PCSK2: variants seen among roughly 807,000 people sequenced by gnomAD.
The protein encoded by PCSK2 is proprotein convertase subtilisin/kexin type 2.
PCSK2 carries 14 observed loss-of-function variants against 69.7 expected under a neutral mutation model. The observed-to-expected ratio is 0.20, with a 90% CI of 0.13 to 0.31. The LOEUF is 0.31. Ranked by LOEUF, PCSK2 falls within the 10% of genes least tolerant of loss-of-function variation. The pLI is 1.00. For missense variants in PCSK2, 544 were observed against 842.5 expected, an observed-to-expected ratio of 0.65 and a Z score of 4.39; for synonymous variants, 307 against 320.7, an observed-to-expected ratio of 0.96 and a Z score of 0.46.
At chr20:17,321,672 T>A (rs1379552206) in intron 2 of PCSK2, among the ~76,000 whole-genome samples, 2 of 152,206 alleles carry the variant, frequency 1.3e-5, no homozygotes, top group Non-Finnish European at 2.9e-5. Context: ...GATTCCATAA[T>A]TCACTCTCAA....
At chr20:17,474,847 GA>G (rs1221981076) in intron 11 of PCSK2, among the ~76,000 whole-genome samples, 2 of 151,950 alleles carry the variant, frequency 1.3e-5, no homozygotes, top group East Asian at 3.9e-4. Flanking sequence ...TGAGGTGACT[GA>G]GCCCACAGAT....
At chr20:17,390,932 T>C (rs2031355588) in intron 5 of PCSK2, among the ~76,000 whole-genome samples, 2 of 152,174 alleles carry the variant, frequency 1.3e-5, no homozygotes, top group Admixed American at 6.6e-5. Context: ...TGCAACCTGC[T>C]CTTTTATTTA....
At chr20:17,361,737 C>T (rs114985964) in intron 4 of PCSK2, among the ~76,000 whole-genome samples, 2,352 of 152,288 alleles carry the variant, frequency 0.015, 61 homozygotes, top group African/African-American at 0.053. Flanking sequence ...AAAACAATGC[C>T]TCAATGTTTT....
intron 2 of PCSK2, among the ~76,000 whole-genome samples, chr20:17,292,825 G>GT (rs990522409): frequency 1.9e-4 from 29 of 151,100 alleles, no homozygotes; most frequent in South Asian, 4.2e-4. Context: ...TTTCTGGGGT[G>GT]TTTTTTTTTA....
intron 2 of PCSK2, among the ~76,000 whole-genome samples, chr20:17,291,915 A>G (rs750464868): frequency 6.6e-6 from 1 of 152,180 alleles, no homozygotes; most frequent in Non-Finnish European, 1.5e-5. Flanking sequence ...CTGAAACTCT[A>G]CTGTCACATC....
intron 6 of PCSK2, among the ~76,000 whole-genome samples, chr20:17,411,470 T>C (rs534157351): frequency 2.6e-5 from 4 of 152,032 alleles, no homozygotes; most frequent in Admixed American, 6.5e-5. Context: ...AGCAGCCTGA[T>C]GGAGGGAGGC....
At chr20:17,258,890 A>C (rs1185879711) in intron 1 of PCSK2, among the ~76,000 whole-genome samples, 2 of 152,056 alleles carry the variant, frequency 1.3e-5, no homozygotes, top group African/African-American at 4.8e-5. Flanking sequence ...AGGAAAAAAA[A>C]CAAAAAGGTA....
At chr20:17,447,270 CAA>C (rs386393432) in intron 8 of PCSK2, among the ~76,000 whole-genome samples, 1 of 127,638 alleles carries the variant, frequency 7.8e-6, no homozygotes, top group Non-Finnish European at 1.6e-5. Flanking sequence ...TACTCTGTCT[CAA>C]AAAAAAAAAA....
chr20:17,394,695 T>C (rs1251732407), intron 5 of PCSK2, among the ~76,000 whole-genome samples: 1 of 152,192 alleles, frequency 6.6e-6, no homozygotes, highest in Non-Finnish European at 1.5e-5. Flanking sequence ...GTCCCATAAT[T>C]CACCTGCTGG....
chr20:17,272,556 G>A (rs560150742), intron 2 of PCSK2, among the ~76,000 whole-genome samples: 1 of 152,174 alleles, frequency 6.6e-6, no homozygotes, highest in South Asian at 2.1e-4. Flanking sequence ...TTTGGATTCA[G>A]TCTCCTTTCC....
chr20:17,433,036 A>G (rs376211364), intron 7 of PCSK2, among the ~76,000 whole-genome samples: 177 of 152,356 alleles, frequency 1.2e-3, no homozygotes, highest in Middle Eastern at 3.4e-3. Context: ...AGAGACTCTC[A>G]GAGCAGCCCT....
At chr20:17,472,072 C>A (rs1006474884) in intron 11 of PCSK2, among the ~76,000 whole-genome samples, 3 of 152,212 alleles carry the variant, frequency 2.0e-5, no homozygotes, top group Non-Finnish European at 4.4e-5. Context: ...GGAAAATACA[C>A]CTGGCTGTGA....
intron 1 of PCSK2, among the ~76,000 whole-genome samples, chr20:17,243,769 C>G (rs1012452201): frequency 1.3e-5 from 2 of 152,128 alleles, no homozygotes; most frequent in Admixed American, 6.5e-5. Flanking sequence ...TACATCACTT[C>G]AATCTAATGA....
intron 2 of PCSK2, among the ~76,000 whole-genome samples, chr20:17,308,681 A>T (rs1989406188): frequency 6.6e-6 from 1 of 152,212 alleles, no homozygotes; most frequent in African/African-American, 2.4e-5. Context: ...AACCGAGTTC[A>T]GCTAGGTGGG....
intron 2 of PCSK2, among the ~76,000 whole-genome samples, chr20:17,280,127 G>T (rs552744370): frequency 2.0e-5 from 3 of 152,268 alleles, no homozygotes; most frequent in African/African-American, 7.2e-5. Flanking sequence ...TGGAAATAGA[G>T]AGTTTAATTT....
At chr20:17,417,382 T>C (rs2032023613) in intron 6 of PCSK2, among the ~76,000 whole-genome samples, 1 of 151,064 alleles carries the variant, frequency 6.6e-6, no homozygotes, top group African/African-American at 2.4e-5. Context: ...TCATAGTGAC[T>C]CAGGCAAGCA....
intron 2 of PCSK2, among the ~76,000 whole-genome samples, chr20:17,291,226 C>T (rs1315941852): frequency 6.6e-6 from 1 of 151,930 alleles, no homozygotes; most frequent in African/African-American, 2.4e-5. Flanking sequence ...CACATACAAC[C>T]TTCTTGAGCC....
At chr20:17,385,556 T>C (rs1389404889) in intron 5 of PCSK2, among the ~76,000 whole-genome samples, 1 of 152,224 alleles carries the variant, frequency 6.6e-6, no homozygotes, top group East Asian at 1.9e-4. Flanking sequence ...TAAGTCAAAG[T>C]GATGCTCCTT....
intron 6 of PCSK2, among the ~76,000 whole-genome samples, chr20:17,424,641 C>T (rs1002207246): frequency 2.4e-4 from 37 of 152,004 alleles, no homozygotes; most frequent in South Asian, 1.2e-3. Flanking sequence ...TACAGGCACG[C>T]GCCACCACGC....
Sources: gnomAD v4.1 joint callset for allele counts (sites outside exome capture counted in the v4.1 genomes callset) on GRCh38, gnomAD v4.1.1 for gene constraint, MANE v1.5 for transcripts, NCBI Gene and HGNC (gene_info 2026-07-23, HGNC 2026-07-21) for gene names.